Variants in TMEM219 observed in about 807,000 individuals in gnomAD.
TMEM219 encodes insulin-like growth factor-binding protein 3 receptor.
Under a neutral mutation model 17.9 loss-of-function variants are expected in TMEM219, and 18 were observed. The observed-to-expected ratio is 1.01, with a 90% CI of 0.70 to 1.49. The LOEUF (loss-of-function observed/expected upper bound fraction) is 1.49. Among genes scored for constraint, TMEM219 ranks in the 40% most tolerant of loss-of-function variants. TMEM219 has a pLI of 0.00. For missense variants in TMEM219, 288 were observed against 292.4 expected, an observed-to-expected ratio of 0.99 and a Z score of 0.11; for synonymous variants, 113 against 124.0, an observed-to-expected ratio of 0.91 and a Z score of 0.59.
chr16:29,962,331 C>G (rs2069156722), intron 1 of TMEM219, among the ~76,000 whole-genome samples, 199 bp downstream of exon 1: 1 of 152,148 alleles, frequency 6.6e-6, no homozygotes, highest in Non-Finnish European at 1.5e-5. Context: ...ATTTGTGACA[C>G]CTACATTTCC....
Position 29,963,115 on chromosome 16 carries a change from C to A in TMEM219, c.-29C>A. 6.2e-7 allele frequency: 1 copy of A among 1,605,588 alleles called. No homozygotes were observed. Among genetic ancestry groups the A allele is most frequent in the African/African-American group, 1.3e-5 (1 of 75,034 alleles). ...CCCTCCCTGTCTTCCAGCAGGCTCTCCCCGGAGGCTCAGCCCCCTCTGCTC... is the reference window on the plus strand; with the variant it reads ...CCCTCCCTGTCTTCCAGCAGGCTCTACCCGGAGGCTCAGCCCCCTCTGCTC... On this transcript the variant is annotated 5_prime_UTR_variant, in exon 2 of 6. Coordinates refer to ENST00000279396, the MANE Select transcript of TMEM219 (RefSeq NM_001083613.2).
Position 29,963,606 on chromosome 16 carries a change from G to C in TMEM219, c.355+17G>C, listed in dbSNP as rs765018233. On this transcript the variant is annotated intron_variant, in intron 3 of 5. Coordinates refer to ENST00000279396, the MANE Select transcript of TMEM219 (RefSeq NM_001083613.2). The stretch of plus-strand genomic sequence containing the variant: ...GATTGAAAGGTGAGATCAGAGGCTG[G>C]GTGTGGTGGCTCACGCCTGTAATCC... The C allele has an allele frequency of 2.5e-6, 4 of 1,609,258 alleles. No individual in the cohort carries two copies. Among genetic ancestry groups the C allele is most frequent in the Non-Finnish European group, 3.4e-6 (4 of 1,177,090 alleles).
chr16:29,971,614 A>C, intron 5 of TMEM219, 36 bp downstream of exon 5: 1 of 578,678 alleles, frequency 1.7e-6, no homozygotes, highest in Non-Finnish European at 3.2e-6. Flanking sequence ...GGGAGCAGGG[A>C]ATGGGGTGGG....
chr16:29,963,456 G>A lies in TMEM219; in HGVS notation c.222G>A (p.Gly74=). 1 of 1,614,234 alleles carries A rather than the reference G, an allele frequency of 6.2e-7. No homozygotes were observed. Among genetic ancestry groups the A allele is most frequent in the Non-Finnish European group, 8.5e-7 (1 of 1,180,042 alleles). Residue 74 remains glycine (G), a synonymous_variant, in exon 3 of 6, where the codon GGG becomes GGA. Coordinates refer to ENST00000279396, the MANE Select transcript of TMEM219 (RefSeq NM_001083613.2). ...AGCTGACCCTGTGTCCCAGGAATGG[G>A]ACAGTCACAGGGAAGTGGCGAGGGT... ...FGQLTLCPRN[G]TVTGKWRGSH... is the part of the protein sequence containing the mutation.
At chr16:29,969,732 G>C (rs1320580997) in intron 4 of TMEM219, among the ~76,000 whole-genome samples, 3 of 152,086 alleles carry the variant, frequency 2.0e-5, no homozygotes, top group Non-Finnish European at 4.4e-5. Flanking sequence ...CATGTTGAGA[G>C]GCTTAGGAAG....
intron 1 of TMEM219, chr16:29,962,696 G>C (rs1163260063): frequency 6.0e-6 from 1 of 166,844 alleles, no homozygotes; most frequent in Non-Finnish European, 1.3e-5. Flanking sequence ...TAAGCTCACA[G>C]AGTCAGTGAA....
chr16:29,965,321 A>G (rs2069198199), intron 3 of TMEM219, among the ~76,000 whole-genome samples: 4 of 152,190 alleles, frequency 2.6e-5, no homozygotes, highest in African/African-American at 9.7e-5. Context: ...TGTCCGATAT[A>G]TGCAGACTTG....
intron 4 of TMEM219, among the ~76,000 whole-genome samples, chr16:29,969,516 AT>A (rs879373341): frequency 2.3e-4 from 34 of 147,278 alleles, no homozygotes; most frequent in African/African-American, 4.2e-4. Context: ...TAAAAAAAAC[AT>A]TTTTTTTTTT....
Position 29,963,264 on chromosome 16 carries a change from C to T in TMEM219, c.121C>T (p.Leu41Phe), listed in dbSNP as rs1381952567. The T allele has an allele frequency of 4.3e-6, 7 of 1,614,138 alleles. No homozygotes were observed. The highest frequency in any genetic ancestry group is 1.1e-5 in the South Asian group (1 of 91,090). Residue 41 changes from leucine to phenylalanine, a missense_variant, in exon 2 of 6, where the codon CTC (leucine) becomes TTC (phenylalanine). By Grantham distance (22) the Leu-to-Phe change is conservative. Coordinates refer to ENST00000279396, the MANE Select transcript of TMEM219 (RefSeq NM_001083613.2). ...GLSGLGLGSF[L>F]LTHRTGLRSP... The stretch of plus-strand genomic sequence containing the variant: ...CTCTGGCCTGGGCCTTGGCAGCTTC[C>T]TCCTCACCCACAGGACTGGCCTGCG...
intron 1 of TMEM219, among the ~76,000 whole-genome samples, chr16:29,962,374 A>AT (rs2069157500): frequency 6.6e-6 from 1 of 151,876 alleles, no homozygotes; most frequent in South Asian, 2.1e-4. Context: ...ACCCCTGTTT[A>AT]TCTCTTCGCC....
chr16:29,969,116 C>G (rs941611556), intron 4 of TMEM219, among the ~76,000 whole-genome samples: 1 of 151,568 alleles, frequency 6.6e-6, no homozygotes, highest in South Asian at 2.1e-4. Flanking sequence ...TTTGGAAGGC[C>G]GAAGCAAGGA....
chr16:29,969,449 C>T (rs2069254314), intron 4 of TMEM219, among the ~76,000 whole-genome samples: 1 of 152,020 alleles, frequency 6.6e-6, no homozygotes. Context: ...CCCACCTCAG[C>T]CTCCCAAAGT....
chr16:29,967,970 A>G, intron 3 of TMEM219, 55 bp from the exon 4 acceptor site: 1 of 1,313,464 alleles, frequency 7.6e-7, no homozygotes, highest in Non-Finnish European at 1.1e-6. Flanking sequence ...GTGAAGACAG[A>G]GGCTCCCGCG....
In TMEM219 at chr16:29,962,129, A is replaced by C. The variant is rs2069152902; in HGVS notation, c.-41A>C. 6.6e-6 allele frequency: 1 copy of C among 150,930 alleles called. No homozygotes were observed. Among genetic ancestry groups the C allele is most frequent in the African/African-American group, 2.4e-5 (1 of 41,034 alleles). The allele number at this position is 150,930 out of a possible 1,614,324, so 9.3% of individuals were successfully genotyped here. On this transcript the variant is annotated 5_prime_UTR_variant, in exon 1 of 6. Coordinates refer to ENST00000279396, the MANE Select transcript of TMEM219 (RefSeq NM_001083613.2). ...GGGCGCCGGCCTCCGCCCGGCCCCG[A>C]GGGGTAAGAGCGAGCGGCTGGCGGA...
At chr16:29,971,202 C>T (rs376688310) in intron 4 of TMEM219, among the ~76,000 whole-genome samples, 6 of 150,758 alleles carry the variant, frequency 4.0e-5, no homozygotes, top group South Asian at 2.1e-4. Context: ...GCTGAGATCG[C>T]GCCACTGCAC....
At chr16:29,963,636 A>G (rs1338885746) in intron 3 of TMEM219, 47 bp downstream of exon 3, 6 of 1,550,136 alleles carry the variant, frequency 3.9e-6, no homozygotes, top group Non-Finnish European at 5.3e-6. Flanking sequence ...TAATCCCAAC[A>G]CTTTGGGAGG....
At chr16:29,970,379 C>A (rs1253018307) in intron 4 of TMEM219, among the ~76,000 whole-genome samples, 1 of 146,032 alleles carries the variant, frequency 6.8e-6, no homozygotes, top group Non-Finnish European at 1.5e-5. Flanking sequence ...GGCGGGAGTG[C>A]AGTGGCGCAA....
rs973832336 is a variant in TMEM219, at chr16:29,971,356, C to T, written c.586-52C>T. On this transcript the variant is annotated intron_variant, in intron 4 of 5. Coordinates refer to ENST00000279396, the MANE Select transcript of TMEM219 (RefSeq NM_001083613.2). ...CCTCATGGAGGCTCCTTCTATAGCC[C>T]TTGGACTGGATTAACATGTCCTCCT... The T allele has an allele frequency of 1.8e-5, 29 of 1,611,534 alleles. No individual in the cohort carries two copies. The Admixed American group carries it at 3.0e-4, about 17-fold the overall frequency.
intron 3 of TMEM219, 40 bp from the exon 4 acceptor site, chr16:29,967,985 C>A: frequency 6.7e-7 from 1 of 1,497,110 alleles, no homozygotes; most frequent in South Asian, 1.1e-5. Flanking sequence ...CCCGCGTCAC[C>A]TCTCATTTTC....
Sources: allele counts gnomAD v4.1 joint callset (sites outside exome capture counted in the v4.1 genomes callset), GRCh38; gene constraint gnomAD v4.1.1; transcripts MANE v1.5; gene names NCBI Gene and HGNC (gene_info 2026-07-23, HGNC 2026-07-21).